Variants in SLX4IP observed in about 807,000 individuals in gnomAD.
SLX4IP encodes the protein SLX4 interacting protein.
SLX4IP carries 34 observed loss-of-function variants against 32.9 expected under a neutral mutation model. The ratio of observed to expected loss-of-function variants is 1.03; its 90% CI spans 0.79 to 1.38. SLX4IP has a LOEUF of 1.38. Ranked by LOEUF, SLX4IP falls within the 40% of genes most tolerant of loss-of-function variation. The pLI, the probability that SLX4IP is intolerant of heterozygous loss-of-function variation, is 0.00. For missense variants in SLX4IP, 444 were observed against 479.0 expected (o/e 0.93, Z 0.68); for synonymous variants, 172 against 171.7 (o/e 1.00, Z -0.01).
chr20:10,599,106 C>T (rs1827153712), intron 5 of SLX4IP, among the ~76,000 whole-genome samples: 1 of 152,164 alleles, frequency 6.6e-6, no homozygotes. Flanking sequence ...TCTTTCCCAG[C>T]CCTGAGCTCT....
At chr20:10,469,290 A>G (rs2065404983) in intron 2 of SLX4IP, among the ~76,000 whole-genome samples, 3 of 152,106 alleles carry the variant, frequency 2.0e-5, no homozygotes, top group African/African-American at 7.2e-5. Flanking sequence ...GGAATGTTGT[A>G]ATCTTCAATT....
intron 2 of SLX4IP, among the ~76,000 whole-genome samples, chr20:10,549,653 T>C (rs1205148074): frequency 6.6e-6 from 1 of 152,238 alleles, no homozygotes; most frequent in East Asian, 1.9e-4. Flanking sequence ...ATGTGGAGTC[T>C]CTCAGATCTG....
chr20:10,560,190 G>A (rs77493078), intron 3 of SLX4IP, among the ~76,000 whole-genome samples: 2,818 of 152,336 alleles, frequency 0.018, 64 homozygotes, highest in African/African-American at 0.053. Context: ...TGTGGTGTGG[G>A]TTCCCCATGC....
intron 2 of SLX4IP, among the ~76,000 whole-genome samples, chr20:10,526,310 T>C (rs1292631963): frequency 1.3e-5 from 2 of 152,234 alleles, no homozygotes; most frequent in Non-Finnish European, 2.9e-5. Context: ...AATTTAGCTC[T>C]TGCTCAACTT....
At chr20:10,578,966 A>G (rs541869726) in intron 4 of SLX4IP, among the ~76,000 whole-genome samples, 1 of 152,294 alleles carries the variant, frequency 6.6e-6, no homozygotes, top group South Asian at 2.1e-4. Flanking sequence ...CATTCTAGAT[A>G]TAAGTCCCTT....
At chr20:10,506,146 C>G (rs1335110622) in intron 2 of SLX4IP, among the ~76,000 whole-genome samples, 1 of 152,194 alleles carries the variant, frequency 6.6e-6, no homozygotes, top group African/African-American at 2.4e-5. Flanking sequence ...ACCCGGAGAA[C>G]CTCATGGTAA....
chr20:10,444,258 C>T (rs1380286558), intron 1 of SLX4IP, among the ~76,000 whole-genome samples: 2 of 121,528 alleles, frequency 1.6e-5, no homozygotes, highest in African/African-American at 2.8e-5. Context: ...CCTGTGCTGC[C>T]ATAACAAAAT....
At chr20:10,606,035 C>G (rs2066901649) in intron 6 of SLX4IP, among the ~76,000 whole-genome samples, 1 of 152,144 alleles carries the variant, frequency 6.6e-6, no homozygotes, top group South Asian at 2.1e-4. Flanking sequence ...TAGCCCTCCT[C>G]TCATTCAAGG....
At chr20:10,550,808 TC>T (rs1332349344) in intron 2 of SLX4IP, among the ~76,000 whole-genome samples, 1 of 152,172 alleles carries the variant, frequency 6.6e-6, no homozygotes, top group Non-Finnish European at 1.5e-5. Context: ...CTTTCCCTGT[TC>T]CTCAGTACTT....
intron 2 of SLX4IP, among the ~76,000 whole-genome samples, chr20:10,511,022 G>A (rs621848): frequency 0.6 from 90,602 of 152,070 alleles, 27,353 homozygotes; most frequent in South Asian, 0.75. Flanking sequence ...AGACAGGGCC[G>A]CTTCCCGGGT....
At chr20:10,477,363 C>G (rs1189719986) in intron 2 of SLX4IP, among the ~76,000 whole-genome samples, 1 of 152,170 alleles carries the variant, frequency 6.6e-6, no homozygotes, top group Non-Finnish European at 1.5e-5. Flanking sequence ...TCAGGCTGGT[C>G]TCAAACTCTT....
chr20:10,566,710 T>G (rs2066399091), intron 4 of SLX4IP, among the ~76,000 whole-genome samples: 1 of 152,196 alleles, frequency 6.6e-6, no homozygotes, highest in Admixed American at 6.5e-5. Context: ...TAAGGCCAGC[T>G]GCAGTTGAGC....
chr20:10,608,129 T>A lies in SLX4IP; in HGVS notation c.405+6310T>A, dbSNP rs1313205587. 3.9e-5 allele frequency among the ~76,000 whole-genome samples: 6 copies of A among 152,140 alleles called. 1 individual carries two copies. On this transcript the variant is annotated intron_variant, in intron 6 of 7. Coordinates refer to ENST00000334534, the MANE Select transcript of SLX4IP (RefSeq NM_001009608.3). ...GCCCGTGATCTCCATTGATGAACCC[T>A]TTGATAGATTTGATTAGGAAAAACG...
intron 1 of SLX4IP, among the ~76,000 whole-genome samples, chr20:10,440,969 CTG>C (rs2065155756): frequency 6.6e-6 from 1 of 152,138 alleles, no homozygotes; most frequent in Admixed American, 6.5e-5. Context: ...GAAATAGAAA[CTG>C]TTGTTATTAT....
chr20:10,603,220 A>C (rs1052191832), intron 6 of SLX4IP, among the ~76,000 whole-genome samples: 3 of 152,222 alleles, frequency 2.0e-5, no homozygotes, highest in African/African-American at 4.8e-5. Flanking sequence ...AATGAAATAC[A>C]GGAGAAATTA....
intron 2 of SLX4IP, among the ~76,000 whole-genome samples, chr20:10,501,463 T>C (rs1466215210): frequency 6.6e-6 from 1 of 152,240 alleles, no homozygotes; most frequent in Non-Finnish European, 1.5e-5. Flanking sequence ...GTTGACTGTT[T>C]GCAGTTGCCA....
At chr20:10,446,431 A>C (rs1045516123) in intron 1 of SLX4IP, among the ~76,000 whole-genome samples, 6 of 140,870 alleles carry the variant, frequency 4.3e-5, no homozygotes, top group Non-Finnish European at 9.5e-5. Context: ...AAAAAAAAAA[A>C]AGTTACTATG....
intron 2 of SLX4IP, among the ~76,000 whole-genome samples, chr20:10,498,594 C>A (rs1430291139): frequency 6.6e-6 from 1 of 151,992 alleles, no homozygotes; most frequent in Non-Finnish European, 1.5e-5. Context: ...TGATCATTGC[C>A]ATAGGGATGC....
At chr20:10,600,248 TG>T (rs1393015563) in intron 5 of SLX4IP, among the ~76,000 whole-genome samples, 2 of 152,164 alleles carry the variant, frequency 1.3e-5, no homozygotes, top group Admixed American at 1.3e-4. Context: ...TATGCCCACA[TG>T]GGGTCAAAGT....
Sources: allele counts gnomAD v4.1 joint callset (sites outside exome capture counted in the v4.1 genomes callset), GRCh38; gene constraint gnomAD v4.1.1; transcripts MANE v1.5; gene names NCBI Gene and HGNC (gene_info 2026-07-23, HGNC 2026-07-21).